Variants in SHISA9 observed in about 807,000 individuals in gnomAD.
SHISA9 encodes the protein protein shisa-9.
In SHISA9, 13 loss-of-function variants were observed where a neutral mutation model predicts 38.0. That is an observed-to-expected ratio of 0.34 (90% CI 0.22 to 0.54). The LOEUF (loss-of-function observed/expected upper bound fraction) is 0.54, where lower values mean the gene tolerates loss of function less well. Among genes scored for constraint, SHISA9 ranks in the 20% least tolerant of loss-of-function variants. The pLI is 0.91. For synonymous variants in SHISA9, 275 were observed against 242.0 expected (o/e 1.14, Z -1.27); for missense variants, 538 against 575.8 (o/e 0.93, Z 0.67).
At chr16:13,080,651 T>C (rs1227215419) in intron 2 of SHISA9, among the ~76,000 whole-genome samples, 1 of 152,206 alleles carries the variant, frequency 6.6e-6, no homozygotes, top group Admixed American at 6.5e-5. Context: ...TCCTTTTCTT[T>C]AGTTATCATT....
the SHISA9 span, among the ~76,000 whole-genome samples, chr16:13,486,144 C>G: frequency 9.9e-5 from 15 of 152,150 alleles, no homozygotes; most frequent in Non-Finnish European, 2.2e-4. Context: ...GCATCTGATC[C>G]AGGCAGAATC....
intron 2 of SHISA9, among the ~76,000 whole-genome samples, chr16:13,010,819 G>C (rs767669982): frequency 2.0e-5 from 3 of 152,166 alleles, no homozygotes; most frequent in Non-Finnish European, 2.9e-5. Flanking sequence ...GGGCATGGTG[G>C]TGCATGCCTG....
At chr16:12,966,904 G>A (rs576369779) in intron 2 of SHISA9, among the ~76,000 whole-genome samples, 1 of 152,260 alleles carries the variant, frequency 6.6e-6, no homozygotes, top group Admixed American at 6.5e-5. Flanking sequence ...ACAATCTCTT[G>A]AAATCTTGCC....
intron 2 of SHISA9, among the ~76,000 whole-genome samples, chr16:12,970,495 ATATTTTTTTTTTTTT>A (rs2072065223): frequency 1.2e-4 from 3 of 24,630 alleles, no homozygotes; most frequent in East Asian, 1.1e-3. Context: ...ATATATATAT[ATATTTTTTTTTTTTT>A]TTTTTTTTTT....
At chr16:13,057,215 A>G (rs2073321266) in intron 2 of SHISA9, among the ~76,000 whole-genome samples, 1 of 152,166 alleles carries the variant, frequency 6.6e-6, no homozygotes, top group Non-Finnish European at 1.5e-5. Flanking sequence ...GAGCCGAACA[A>G]TAGAACGTTC....
rs148911457 is a variant in SHISA9, at chr16:13,185,190, A to G, written c.692-18204A>G. Among the ~76,000 whole-genome samples, 598 of 152,144 alleles carry G rather than the reference A, an allele frequency of 3.9e-3. 1 individual carries two copies. Among genetic ancestry groups the G allele is most frequent in the Non-Finnish European group, 6.5e-3 (440 of 67,986 alleles). On this transcript the variant is annotated intron_variant, in intron 2 of 4. Coordinates refer to ENST00000558583, the MANE Select transcript of SHISA9 (RefSeq NM_001145204.3). ...GTATTATTTATGCATTTTAATGTTT[A>G]TTTTTTATATCTTTGTTTGCTTGTT... is the stretch of plus-strand genomic sequence containing the variant.
Position 12,901,706 on chromosome 16 carries a change from C to G in SHISA9, c.-359C>G, listed in dbSNP as rs2071015738. The G allele has an allele frequency of 6.6e-6, 1 of 150,930 alleles. No homozygotes were observed. The highest frequency in any genetic ancestry group is 2.4e-5 in the African/African-American group (1 of 41,028). 9.3% of individuals were successfully genotyped at this position (150,930 alleles called of 1,614,324 possible). On this transcript the variant is annotated 5_prime_UTR_variant, in exon 1 of 5. Transcript: ENST00000558583. ...GCCAGTCCGGGGCTGCCGGCCAAGGCTAGGCGCTGCCAGCCCGATTCTCCT... is the reference window on the plus strand; with the variant it reads ...GCCAGTCCGGGGCTGCCGGCCAAGGGTAGGCGCTGCCAGCCCGATTCTCCT...
At chr16:13,396,976 C>T in the SHISA9 span, among the ~76,000 whole-genome samples, 1 of 152,128 alleles carries the variant, frequency 6.6e-6, no homozygotes, top group Non-Finnish European at 1.5e-5. Flanking sequence ...GACAGTGAGA[C>T]CAACTCCTCC....
intron 2 of SHISA9, among the ~76,000 whole-genome samples, chr16:13,116,570 G>A (rs558513617): frequency 1.1e-4 from 17 of 152,192 alleles, no homozygotes; most frequent in Non-Finnish European, 2.1e-4. Context: ...TGTTCTGTGA[G>A]CCTGTGCCTA....
chr16:13,403,139 GTTGT>G, the SHISA9 span, among the ~76,000 whole-genome samples: 1 of 151,442 alleles, frequency 6.6e-6, no homozygotes, highest in Admixed American at 6.6e-5. Flanking sequence ...AGAAATTTCT[GTTGT>G]TTAAGTCACC....
At position 12,970,387 on chromosome 16, in the gene SHISA9, A is replaced by ATG. The variant is rs1341880141; in HGVS notation, c.691+53574_691+53575dup. ...TATATATACATATATATATACATAT[A>ATG]TGTATATATATATATACATATATAT... On this transcript the variant is annotated intron_variant, in intron 2 of 4. Coordinates refer to ENST00000558583, the MANE Select transcript of SHISA9 (RefSeq NM_001145204.3). 1.1e-3 allele frequency among the ~76,000 whole-genome samples: 33 copies of ATG among 29,468 alleles called. 1 individual carries two copies. Among genetic ancestry groups the ATG allele is most frequent in the Admixed American group, 4.7e-3 (8 of 1,718 alleles). 19.3% of individuals were successfully genotyped at this position (29,468 alleles called of 152,430 possible).
chr16:13,175,899 G>C (rs562632823), intron 2 of SHISA9, among the ~76,000 whole-genome samples: 1 of 152,214 alleles, frequency 6.6e-6, no homozygotes, highest in African/African-American at 2.4e-5. Flanking sequence ...AACTAGTTAG[G>C]TACAAATCCA....
At chr16:12,958,962 G>T (rs2071872601) in intron 2 of SHISA9, among the ~76,000 whole-genome samples, 1 of 152,216 alleles carries the variant, frequency 6.6e-6, no homozygotes, top group Non-Finnish European at 1.5e-5. Context: ...AGCTGGGCCA[G>T]TGTGGCTGGT....
At chr16:12,978,075 T>G (rs2072188756) in intron 2 of SHISA9, among the ~76,000 whole-genome samples, 1 of 152,118 alleles carries the variant, frequency 6.6e-6, no homozygotes, top group Non-Finnish European at 1.5e-5. Context: ...GACTAGTTGG[T>G]GCAAAGACAG....
chr16:13,362,328 G>A, the SHISA9 span, among the ~76,000 whole-genome samples: 2 of 152,060 alleles, frequency 1.3e-5, no homozygotes, highest in South Asian at 2.1e-4. Context: ...CCAGCCACTT[G>A]GGAGGTTGAG....
In SHISA9 at chr16:13,015,681, G is replaced by C. The variant is rs1596585880; in HGVS notation, c.691+98866G>C. On this transcript the variant is annotated intron_variant, in intron 2 of 4. Coordinates refer to ENST00000558583, the MANE Select transcript of SHISA9 (RefSeq NM_001145204.3). ...TCCTGGGTAGTTGGTAGCTGAAGGG[G>C]ACTGTTACCCTATGCGTAGATACAC... Among the ~76,000 whole-genome samples, 3 of 152,076 alleles carry C rather than the reference G, an allele frequency of 2.0e-5. No homozygotes were observed. In the South Asian group the frequency reaches 6.2e-4, roughly 32 times the overall value.
At chr16:13,307,319 C>A in the SHISA9 span, among the ~76,000 whole-genome samples, 1 of 152,150 alleles carries the variant, frequency 6.6e-6, no homozygotes, top group African/African-American at 2.4e-5. Flanking sequence ...AATGGTGTGG[C>A]CTTTCATGTA....
rs540176470 is a variant in SHISA9 at position 12,902,391 on chromosome 16, G to T, written c.327G>T (p.Thr109=). 5.2e-6 allele frequency: 8 copies of T among 1,551,156 alleles called. No individual in the cohort carries two copies. The East Asian group carries it at 1.2e-4, about 24-fold the overall frequency. Residue 109 remains threonine (T), a synonymous_variant, in exon 1 of 5, where the codon ACG becomes ACT. Coordinates refer to ENST00000558583, the MANE Select transcript of SHISA9 (RefSeq NM_001145204.3). ...CTTGTGGCTTCCGGTTCTGCTGCAC[G>T]TTTAAGAAGCGGCGACTGAACCAAA... ...CGTCGFRFCC[T]FKKRRLNQST...
the SHISA9 span, among the ~76,000 whole-genome samples, chr16:13,267,938 G>A: frequency 2.7e-5 from 4 of 149,822 alleles, no homozygotes; most frequent in East Asian, 2.0e-4. Flanking sequence ...TTTCTGTGAC[G>A]AATAGGATAC....
Sources: allele counts gnomAD v4.1 joint callset (sites outside exome capture counted in the v4.1 genomes callset), GRCh38; gene constraint gnomAD v4.1.1; transcripts MANE v1.5; gene names NCBI Gene and HGNC (gene_info 2026-07-23, HGNC 2026-07-21).